The following IRAG2 variants were observed in gnomAD, a reference collection of about 807,000 sequenced individuals.
IRAG2 encodes the protein inositol 1,4,5-triphosphate receptor associated 2.
IRAG2 carries 45 observed loss-of-function variants against 69.9 expected under a neutral mutation model. The ratio of observed to expected loss-of-function variants is 0.64; its 90% CI spans 0.51 to 0.83. IRAG2 has a LOEUF of 0.83. Ranked by LOEUF, IRAG2 falls within the 40% of genes least tolerant of loss-of-function variation. IRAG2 has a pLI of 0.00. For missense variants in IRAG2, 520 were observed against 587.0 expected (o/e 0.89, Z 1.18); for synonymous variants, 193 against 202.4 (o/e 0.95, Z 0.40).
chr12:25,079,517 C>A, intron 8 of IRAG2, 55 bp downstream of exon 8: 3 of 1,507,432 alleles, frequency 2.0e-6, no homozygotes, highest in Non-Finnish European at 2.8e-6. Context: ...CAGCTTTCAG[C>A]CTGATGTTCT....
At chr12:25,045,850 A>T (rs1047958563) in intron 16 of IRAG2, among the ~76,000 whole-genome samples, 3 of 1,416 alleles carry the variant, frequency 2.1e-3, no homozygotes, top group Non-Finnish European at 8.3e-3. Context: ...ATAAAAGATA[A>T]AAAAAAAAAA....
intron 8 of IRAG2, chr12:25,026,770 A>G: frequency 8.7e-7 from 1 of 1,153,486 alleles, no homozygotes. Flanking sequence ...AAATCCAAGA[A>G]TACTATCTTT....
At chr12:25,047,030 G>T (rs181959068) in intron 16 of IRAG2, among the ~76,000 whole-genome samples, 3 of 152,146 alleles carry the variant, frequency 2.0e-5, no homozygotes, top group Non-Finnish European at 2.9e-5. Flanking sequence ...CCAATGCATA[G>T]ATGGTCAATT....
At chr12:25,014,191 TAAG>T in intron 3 of IRAG2, among the ~76,000 whole-genome samples, 1 of 152,048 alleles carries the variant, frequency 6.6e-6, no homozygotes, top group Non-Finnish European at 1.5e-5. Context: ...TTTGTTTTCT[TAAG>T]AATTTAATAT....
At chr12:25,014,215 T>A (rs992345760) in intron 3 of IRAG2, among the ~76,000 whole-genome samples, 1 of 151,966 alleles carries the variant, frequency 6.6e-6, no homozygotes, top group East Asian at 1.9e-4. Context: ...TTCCAAAATA[T>A]ATGTTTGTAT....
intron 9 of IRAG2, among the ~76,000 whole-genome samples, chr12:25,027,798 G>C (rs1944635981): frequency 6.6e-6 from 1 of 152,034 alleles, no homozygotes; most frequent in African/African-American, 2.4e-5. Context: ...TCACTTTCTG[G>C]CTATTATGAA....
intron 14 of IRAG2, among the ~76,000 whole-genome samples, chr12:25,095,929 A>G (rs575703453): frequency 5.9e-4 from 90 of 152,298 alleles, no homozygotes; most frequent in African/African-American, 1.8e-3. Flanking sequence ...GGTGGTTTAA[A>G]CCACTGTAAG....
chr12:25,012,834 A>G (rs1317592981), intron 3 of IRAG2, among the ~76,000 whole-genome samples: 1 of 152,190 alleles, frequency 6.6e-6, no homozygotes, highest in African/African-American at 2.4e-5. Flanking sequence ...AAAAAGAGAG[A>G]AAATGTCAAG....
intron 11 of IRAG2, among the ~76,000 whole-genome samples, 190 bp from the exon 12 acceptor site, chr12:25,089,424 T>C (rs1947874362): frequency 6.6e-6 from 1 of 152,208 alleles, no homozygotes; most frequent in African/African-American, 2.4e-5. Context: ...AAACAAATGA[T>C]TGTAATGGCA....
At chr12:25,033,986 A>C (rs895120219) in intron 13 of IRAG2, 3 of 398,772 alleles carry the variant, frequency 7.5e-6, no homozygotes, top group Admixed American at 4.4e-5. Flanking sequence ...TTGAAAGATA[A>C]CTACCCCATG....
chr12:25,083,994 T>C (rs1947398054), intron 10 of IRAG2, among the ~76,000 whole-genome samples: 2 of 151,924 alleles, frequency 1.3e-5, no homozygotes, highest in Non-Finnish European at 2.9e-5. Context: ...AAGTACCATG[T>C]TAATGGCATT....
upstream of IRAG2, among the ~76,000 whole-genome samples, chr12:25,047,592 A>C (rs983265762): frequency 2.0e-5 from 3 of 152,034 alleles, no homozygotes; most frequent in African/African-American, 7.2e-5. Flanking sequence ...TCCATTTGCT[A>C]TTCTTCCTGA....
rs56728551 is a variant in IRAG2, at chr12:25,100,000, G to GAA, written c.742-1154_742-1153dup. Among the ~76,000 whole-genome samples the GAA allele has an allele frequency of 4.8e-3, 123 of 25,670 alleles. 18 individuals carry two copies. The highest frequency in any genetic ancestry group is 0.017 in the African/African-American group (61 of 3,486). The allele number at this position is 25,670 out of a possible 152,430, so 16.8% of individuals were successfully genotyped here. The stretch of plus-strand genomic sequence containing the variant: ...GGGCAACAAGAGTGAGACTCCATCT[G>GAA]AAAAAAAAAAAAAAAAAAAAAAAAA... On this transcript the variant is annotated intron_variant, in intron 15 of 21. Transcript: ENST00000556887.
chr12:25,026,083 C>T (rs2139841439), intron 8 of IRAG2, among the ~76,000 whole-genome samples: 1 of 152,234 alleles, frequency 6.6e-6, no homozygotes, highest in African/African-American at 2.4e-5. Context: ...CACAGCTGTG[C>T]TCTAATAAAA....
chr12:25,087,629 CT>C (rs138371184), intron 10 of IRAG2, among the ~76,000 whole-genome samples: 6,079 of 152,022 alleles, frequency 0.04, 146 homozygotes, highest in Middle Eastern at 0.058. Context: ...ATTTTATTTC[CT>C]TCTTAACAGC....
At chr12:25,009,472 G>A (rs1345328412) in intron 2 of IRAG2, among the ~76,000 whole-genome samples, 1 of 152,184 alleles carries the variant, frequency 6.6e-6, no homozygotes, top group Non-Finnish European at 1.5e-5. Flanking sequence ...GTAATTCTCT[G>A]AAGAAAATAA....
intron 3 of IRAG2, among the ~76,000 whole-genome samples, chr12:25,013,646 T>C (rs1357140826): frequency 6.6e-6 from 1 of 152,118 alleles, no homozygotes; most frequent in Non-Finnish European, 1.5e-5. Flanking sequence ...TTGGACAAAT[T>C]ATAGTGCTTC....
At chr12:25,023,377 G>T (rs1183252185) in intron 7 of IRAG2, among the ~76,000 whole-genome samples, 1 of 151,886 alleles carries the variant, frequency 6.6e-6, no homozygotes, top group African/African-American at 2.4e-5. Flanking sequence ...TAACATTTTG[G>T]CAAATAGCCT....
chr12:25,051,161 AGAGAGT>A, upstream of IRAG2, among the ~76,000 whole-genome samples: 1 of 152,038 alleles, frequency 6.6e-6, no homozygotes, highest in African/African-American at 2.4e-5. Context: ...AGAGAGAAAA[AGAGAGT>A]GAGAGAGACA....
Sources: gnomAD v4.1 joint callset for allele counts (sites outside exome capture counted in the v4.1 genomes callset) on GRCh38, gnomAD v4.1.1 for gene constraint, MANE v1.5 for transcripts, NCBI Gene and HGNC (gene_info 2026-07-23, HGNC 2026-07-21) for gene names.